The following HMCN1 variants were observed in gnomAD, a reference collection of about 807,000 sequenced individuals.
HMCN1 encodes the protein hemicentin-1.
A neutral mutation model predicts 625.9 loss-of-function variants in HMCN1; 321 were observed. The ratio of observed to expected loss-of-function variants is 0.51; its 90% CI spans 0.47 to 0.56. The LOEUF (loss-of-function observed/expected upper bound fraction) is 0.56, where lower values mean the gene tolerates loss of function less well. HMCN1 is among the 20% of genes least tolerant of loss of function. The probability of loss-of-function intolerance (pLI) is 0.00; values close to 1 mark genes in which losing one functional copy is unlikely to be tolerated. For synonymous variants in HMCN1, 2,425 were observed against 2,417.6 expected (o/e 1.00, Z -0.09); for missense variants, 6,588 against 6,887.3 (o/e 0.96, Z 1.54).
intron 11 of HMCN1, among the ~76,000 whole-genome samples, chr1:185,936,384 TATAA>T (rs1667816317): frequency 6.6e-6 from 1 of 152,048 alleles, no homozygotes; most frequent in African/African-American, 2.4e-5. Context: ...ATGTATTACA[TATAA>T]ATATTTTTTA....
intron 30 of HMCN1, among the ~76,000 whole-genome samples, chr1:186,012,809 CT>C (rs896725115): frequency 6.6e-6 from 1 of 151,994 alleles, no homozygotes; most frequent in African/African-American, 2.4e-5. Context: ...ATTTTTCAAA[CT>C]GTTGATTTTG....
chr1:185,833,151 C>A (rs1180247433), intron 1 of HMCN1, among the ~76,000 whole-genome samples: 1 of 152,096 alleles, frequency 6.6e-6, no homozygotes, highest in Non-Finnish European at 1.5e-5. Flanking sequence ...AGGATTATGT[C>A]TTTTTCTTCC....
intron 1 of HMCN1, among the ~76,000 whole-genome samples, chr1:185,841,389 T>A (rs1661470423): frequency 6.6e-6 from 1 of 152,164 alleles, no homozygotes; most frequent in Non-Finnish European, 1.5e-5. Context: ...TTGATTAAAG[T>A]GAATAAACCA....
intron 46 of HMCN1, among the ~76,000 whole-genome samples, chr1:186,061,129 C>T (rs778918178): frequency 2.0e-5 from 3 of 152,080 alleles, no homozygotes; most frequent in Non-Finnish European, 4.4e-5. Flanking sequence ...ATACTCCACT[C>T]ACAATAGCAT....
At chr1:185,945,035 T>C (rs993937806) in intron 11 of HMCN1, among the ~76,000 whole-genome samples, 5 of 152,208 alleles carry the variant, frequency 3.3e-5, no homozygotes, top group Non-Finnish European at 5.9e-5. Flanking sequence ...TAGATATTTG[T>C]TGTATATAAT....
intron 36 of HMCN1, among the ~76,000 whole-genome samples, chr1:186,029,219 T>G (rs1405049276): frequency 1.3e-5 from 2 of 152,068 alleles, no homozygotes; most frequent in Non-Finnish European, 2.9e-5. Flanking sequence ...GCTTATTTTT[T>G]TTCAACCTTC....
chr1:186,084,102 C>A (rs1295243423), intron 57 of HMCN1, among the ~76,000 whole-genome samples: 2 of 152,030 alleles, frequency 1.3e-5, no homozygotes, highest in Admixed American at 1.3e-4. Context: ...TTGTAAATAC[C>A]CCAATTGTAG....
chr1:186,060,945 A>T (rs1657647892), intron 46 of HMCN1, among the ~76,000 whole-genome samples: 1 of 151,906 alleles, frequency 6.6e-6, no homozygotes, highest in South Asian at 2.1e-4. Context: ...TTGTTTATAC[A>T]CTCCATAGTC....
At chr1:185,749,141 A>G (rs1291941757) in intron 1 of HMCN1, among the ~76,000 whole-genome samples, 2 of 152,204 alleles carry the variant, frequency 1.3e-5, no homozygotes, top group African/African-American at 2.4e-5. Context: ...GATGTGTACA[A>G]TCATCTCTGA....
intron 1 of HMCN1, among the ~76,000 whole-genome samples, chr1:185,781,741 A>G (rs1557963626): frequency 6.6e-6 from 1 of 152,084 alleles, no homozygotes; most frequent in South Asian, 2.1e-4. Context: ...GTTCTTTTAC[A>G]TTTGCCGTAT....
At chr1:186,130,205 TC>T in intron 84 of HMCN1, 105 bp downstream of exon 84, 1 of 1,429,388 alleles carries the variant, frequency 7.0e-7, no homozygotes, top group Non-Finnish European at 9.7e-7. Context: ...AAGTTTTTAA[TC>T]CACTCAGTCC....
chr1:186,088,967 G>A (rs538330387), intron 63 of HMCN1, among the ~76,000 whole-genome samples: 3 of 152,004 alleles, frequency 2.0e-5, no homozygotes, highest in South Asian at 4.1e-4. Flanking sequence ...TGGAAATTTG[G>A]TAATCTCTAC....
intron 11 of HMCN1, among the ~76,000 whole-genome samples, chr1:185,952,167 C>G (rs142275271): frequency 0.051 from 7,792 of 151,784 alleles, 561 homozygotes; most frequent in African/African-American, 0.14. Context: ...GAGCATTAAC[C>G]TTGACTATGC....
intron 48 of HMCN1, among the ~76,000 whole-genome samples, chr1:186,064,418 T>G (rs1256408921): frequency 6.6e-6 from 1 of 152,156 alleles, no homozygotes; most frequent in Non-Finnish European, 1.5e-5. Flanking sequence ...CTATCTATGA[T>G]AGAATCCTGG....
intron 65 of HMCN1, 55 bp downstream of exon 65, chr1:186,093,313 A>G (rs899317265): frequency 1.2e-6 from 2 of 1,608,696 alleles, no homozygotes; most frequent in Non-Finnish European, 1.7e-6. Context: ...ATCTACCAGT[A>G]GAAGTGAAGG....
intron 23 of HMCN1, among the ~76,000 whole-genome samples, chr1:185,994,009 C>T (rs1357282307): frequency 6.6e-6 from 1 of 152,042 alleles, no homozygotes; most frequent in East Asian, 1.9e-4. Context: ...TATTCACTAA[C>T]CTTTCTTATT....
intron 1 of HMCN1, among the ~76,000 whole-genome samples, chr1:185,770,877 G>A (rs1656194954): frequency 6.6e-6 from 1 of 152,132 alleles, no homozygotes; most frequent in African/African-American, 2.4e-5. Context: ...CAGACTATTA[G>A]TTAAAGGTAG....
intron 2 of HMCN1, among the ~76,000 whole-genome samples, chr1:185,856,613 G>A (rs138828804): frequency 5.0e-4 from 76 of 152,184 alleles, no homozygotes; most frequent in African/African-American, 1.8e-3. Context: ...CCTGTGAAAA[G>A]GATGTAGTCT....
intron 1 of HMCN1, among the ~76,000 whole-genome samples, chr1:185,764,862 A>C (rs1655766942): frequency 6.6e-6 from 1 of 152,228 alleles, no homozygotes; most frequent in Non-Finnish European, 1.5e-5. Flanking sequence ...ATATTTTTTA[A>C]ACTTATAATG....
Sources: gnomAD v4.1 joint callset for allele counts (sites outside exome capture counted in the v4.1 genomes callset) on GRCh38, gnomAD v4.1.1 for gene constraint, MANE v1.5 for transcripts, NCBI Gene and HGNC (gene_info 2026-07-23, HGNC 2026-07-21) for gene names.